MORC2: variants seen among roughly 807,000 people sequenced by gnomAD.
MORC2 encodes the protein ATPase MORC2.
A neutral mutation model predicts 136.0 loss-of-function variants in MORC2; 30 were observed. The ratio of observed to expected loss-of-function variants is 0.22; its 90% CI spans 0.17 to 0.30. The LOEUF is 0.30. Ranked by LOEUF, MORC2 falls within the 10% of genes least tolerant of loss-of-function variation. The pLI is 1.00. For missense variants in MORC2, 922 were observed against 1,333.1 expected (o/e 0.69, Z 4.80); for synonymous variants, 439 against 487.0 (o/e 0.90, Z 1.30).
chr22:30,936,353 C>T (rs984452305), intron 17 of MORC2, among the ~76,000 whole-genome samples, 158 bp downstream of exon 17: 1 of 152,108 alleles, frequency 6.6e-6, no homozygotes, highest in South Asian at 2.1e-4. Context: ...AAATAGTACA[C>T]GTGGACCTGG....
rs140142437 is a variant in MORC2 at position 30,932,709 on chromosome 22, G to A, written c.2583C>T (p.Ser861=). Residue 861 remains serine, a synonymous_variant, in exon 23 of 26, where the codon AGC becomes AGT. Coordinates refer to ENST00000397641, the MANE Select transcript of MORC2 (RefSeq NM_001303256.3). The surrounding 1 kb of genome is among the most constrained non-coding windows in gnomAD (Gnocchi z 4.4). ...LMKPPSPEHQ[S]LDTQQEGGEE... is the part of the protein sequence containing the mutation. The stretch of plus-strand genomic sequence containing the variant: ...CCCCGCCCTCCTGTTGTGTATCAAG[G>A]CTCTGATGTTCCGGAGAAGGGGGTT... The A allele has an allele frequency of 1.6e-4, 266 of 1,614,162 alleles. No individual in the cohort carries two copies. In the African/African-American group the frequency reaches 3.1e-3, roughly 19 times the overall value.
Position 30,967,874 on chromosome 22 carries a change from A to T in MORC2, c.16T>A (p.Tyr6Asn). Residue 6 changes from tyrosine to asparagine, a missense_variant, in exon 1 of 26, where the codon TAC becomes AAC. Tyr to Asn is a moderately radical substitution (Grantham distance 143, BLOSUM62 -2). Coordinates refer to ENST00000397641, the MANE Select transcript of MORC2 (RefSeq NM_001303256.3). ...AGCTGAGCTCGATTCAGACTGCTGT[A>T]ATTTGTGAAAGCCATGACTGCAATA... MAFTN[Y>N]SSLNRAQLTF... 6.4e-7 allele frequency: 1 copy of T among 1,551,080 alleles called. No homozygotes were observed. The highest frequency in any genetic ancestry group is 8.7e-7 in the Non-Finnish European group (1 of 1,146,980).
chr22:30,953,965 G>A (rs2040928708), intron 3 of MORC2, among the ~76,000 whole-genome samples: 1 of 152,100 alleles, frequency 6.6e-6, no homozygotes, highest in African/African-American at 2.4e-5. Context: ...GTGGAGATAA[G>A]AAAATACTTT....
chr22:30,950,156 A>C (rs972551234), intron 4 of MORC2, among the ~76,000 whole-genome samples: 4 of 152,230 alleles, frequency 2.6e-5, no homozygotes, highest in African/African-American at 9.6e-5. Flanking sequence ...TGATTGACTT[A>C]AGATTGCCTT....
Position 30,968,201 on chromosome 22 carries a change from G to A in MORC2, c.-312C>T, listed in dbSNP as rs572476888. 8.2e-5 allele frequency: 24 copies of A among 292,824 alleles called. No homozygotes were observed. Among genetic ancestry groups the A allele is most frequent in the African/African-American group, 4.4e-4 (20 of 44,956 alleles). The allele number at this position is 292,824 out of a possible 1,614,324, so 18.1% of individuals were successfully genotyped here. A position where few individuals can be genotyped will look rare whatever the true frequency, so the allele number is the denominator to read the frequency against. On this transcript the variant is annotated 5_prime_UTR_variant, in exon 1 of 26. The change creates a new upstream start codon in the 5' untranslated region. Transcript: ENST00000397641. ...GCTCAATTCAGACAATCTGAGTCTC[G>A]TGTGGATGGTCCTGAAGGAGATGGT... is the stretch of plus-strand genomic sequence containing the variant.
At chr22:30,951,693 C>G (rs1045081686) in intron 3 of MORC2, among the ~76,000 whole-genome samples, 1 of 152,244 alleles carries the variant, frequency 6.6e-6, no homozygotes, top group Non-Finnish European at 1.5e-5. Flanking sequence ...TTTTGTACAA[C>G]TATCTAAGCT....
At position 30,956,859 on chromosome 22, in the gene MORC2, T is replaced by C. The variant is rs942805820; in HGVS notation, c.123-62A>G. On this transcript the variant is annotated intron_variant, in intron 2 of 25. Coordinates refer to ENST00000397641, the MANE Select transcript of MORC2 (RefSeq NM_001303256.3). ...ATGAAATATCAACCATCAAAATGCATAGTGATTTGAGTAGAATGCAGAGTA... is the reference window on the plus strand; with the variant it reads ...ATGAAATATCAACCATCAAAATGCACAGTGATTTGAGTAGAATGCAGAGTA... The C allele has an allele frequency of 5.4e-6, 7 of 1,306,926 alleles. No individual in the cohort carries two copies. In the African/African-American group the frequency reaches 8.8e-5, roughly 16 times the overall value. The allele number at this position is 1,306,926 out of a possible 1,614,324, so 81.0% of individuals were successfully genotyped here.
intron 1 of MORC2, among the ~76,000 whole-genome samples, chr22:30,960,249 G>A (rs2041023948): frequency 6.6e-6 from 1 of 152,038 alleles, no homozygotes; most frequent in Admixed American, 6.5e-5. Context: ...TTACAGACCT[G>A]AGCCACCACA....
At chr22:30,963,706 T>C (rs1287098828) in intron 1 of MORC2, among the ~76,000 whole-genome samples, 1 of 152,112 alleles carries the variant, frequency 6.6e-6, no homozygotes, top group Non-Finnish European at 1.5e-5. Context: ...TTTTATATCA[T>C]TTGTGTCACA....
At chr22:30,933,149 C>T in intron 21 of MORC2, 119 bp from the exon 22 acceptor site, 1 of 1,395,470 alleles carries the variant, frequency 7.2e-7, no homozygotes, top group East Asian at 2.3e-5. Flanking sequence ...TAGGTGCTTG[C>T]CCCCACTACA....
intron 24 of MORC2, among the ~76,000 whole-genome samples, chr22:30,931,725 C>T (rs1296010654): frequency 6.6e-6 from 1 of 152,240 alleles, no homozygotes. Context: ...CACCACAGCC[C>T]TCCATAGCCT....
chr22:30,933,556 T>G, intron 20 of MORC2, 36 bp from the exon 21 acceptor site: 1 of 1,610,040 alleles, frequency 6.2e-7, no homozygotes, highest in Non-Finnish European at 8.5e-7. Flanking sequence ...GCATCCCCAG[T>G]GCCCCCCAAG....
At chr22:30,953,966 A>G (rs963977977) in intron 3 of MORC2, among the ~76,000 whole-genome samples, 1 of 152,164 alleles carries the variant, frequency 6.6e-6, no homozygotes, top group Non-Finnish European at 1.5e-5. Flanking sequence ...TGGAGATAAG[A>G]AAATACTTTC....
Position 30,967,973 on chromosome 22 carries a change from AG to A in MORC2, c.-85del. On this transcript the variant is annotated 5_prime_UTR_variant, in exon 1 of 26. The change creates a new upstream start codon in the 5' untranslated region. Transcript: ENST00000397641. Reference sequence around the variant, plus strand: ...ATATCGATTTCCCAGGATTCTGTCCAGTAAAGCTTCAGTAAGTCTGTGCTCC... The same window carrying A: ...ATATCGATTTCCCAGGATTCTGTCCATAAAGCTTCAGTAAGTCTGTGCTCC... 8.0e-7 allele frequency: 1 copy of A among 1,244,746 alleles called. No individual in the cohort carries two copies. The highest frequency in any genetic ancestry group is 1.1e-6 in the Non-Finnish European group (1 of 869,978). 77.1% of individuals were successfully genotyped at this position (1,244,746 alleles called of 1,614,324 possible). A position where few individuals can be genotyped will look rare whatever the true frequency, so the allele number is the denominator to read the frequency against.
At chr22:30,956,724 A>G (rs1287650475) in intron 3 of MORC2, 39 bp downstream of exon 3, 1 of 1,466,966 alleles carries the variant, frequency 6.8e-7, no homozygotes, top group East Asian at 2.5e-5. Flanking sequence ...AAATGCATTA[A>G]GATGAACTAG....
intron 1 of MORC2, among the ~76,000 whole-genome samples, chr22:30,959,166 A>G (rs1569203375): frequency 6.6e-6 from 1 of 152,018 alleles, no homozygotes; most frequent in Non-Finnish European, 1.5e-5. Context: ...CTCGGACTGG[A>G]GTATAGTAAG....
intron 10 of MORC2, 143 bp from the exon 11 acceptor site, chr22:30,940,184 T>A: frequency 1.3e-6 from 1 of 794,726 alleles, no homozygotes; most frequent in Non-Finnish European, 2.0e-6. Flanking sequence ...GTGAGCAATG[T>A]GAGGGCAGCC....
intron 1 of MORC2, among the ~76,000 whole-genome samples, chr22:30,966,883 A>C (rs2041136334): frequency 6.6e-6 from 1 of 152,330 alleles, no homozygotes; most frequent in Admixed American, 6.5e-5. Context: ...GGAAAAATAG[A>C]AATATTACAG....
At chr22:30,939,257 C>CA (rs1262473265) in intron 12 of MORC2, among the ~76,000 whole-genome samples, 4 of 152,012 alleles carry the variant, frequency 2.6e-5, no homozygotes, top group Non-Finnish European at 5.9e-5. Context: ...GTCGTATCAC[C>CA]AGGTGGTAGA....
Sources: gnomAD v4.1 joint callset for allele counts (sites outside exome capture counted in the v4.1 genomes callset) on GRCh38, gnomAD v4.1.1 for gene constraint, Gnocchi (gnomAD v3.1) non-coding constraint, MANE v1.5 for transcripts, NCBI Gene and HGNC (gene_info 2026-07-23, HGNC 2026-07-21) for gene names.